Variants in CARMIL1 observed in about 807,000 individuals in gnomAD.
The protein encoded by CARMIL1 is F-actin-uncapping protein LRRC16A.
In CARMIL1, 90 loss-of-function variants were observed where a neutral mutation model predicts 177.1. That is an observed-to-expected ratio of 0.51 (90% CI 0.43 to 0.61). CARMIL1 has a LOEUF of 0.61. Among genes scored for constraint, CARMIL1 ranks in the 20% least tolerant of loss-of-function variants. The probability of loss-of-function intolerance (pLI) is 0.00; values close to 1 mark genes in which losing one functional copy is unlikely to be tolerated. For missense variants in CARMIL1, 1,380 were observed against 1,667.0 expected (o/e 0.83, Z 3.00); for synonymous variants, 577 against 606.2 (o/e 0.95, Z 0.71).
In CARMIL1 at chr6:25,284,828, T is replaced by C. The variant is rs762703218; in HGVS notation, c.57T>C (p.Val19=). 1 of 1,551,700 alleles carries C rather than the reference T, an allele frequency of 6.4e-7. No homozygotes were observed. ...TTTTTTCAGAAAGCATAAAGGATGTTATTGGCAGAAAGATAAAAATTTCAG... is the reference window on the plus strand; with the variant it reads ...TTTTTTCAGAAAGCATAAAGGATGTCATTGGCAGAAAGATAAAAATTTCAG... ...PRELIESIKD[V]IGRKIKISVK... is the part of the protein sequence containing the mutation. The change falls in exon 2 of 37, where the codon GTT becomes GTC. Residue 19 remains valine, a synonymous_variant. Transcript: ENST00000329474.
chr6:25,530,690 GA>G (rs941860037), intron 24 of CARMIL1, among the ~76,000 whole-genome samples: 4 of 151,794 alleles, frequency 2.6e-5, no homozygotes, highest in African/African-American at 7.3e-5. Flanking sequence ...TATTCCTTAT[GA>G]AAAAAAAGTT....
At chr6:25,350,544 G>A (rs1179530868) in intron 2 of CARMIL1, 4 of 152,208 alleles carry the variant, frequency 2.6e-5, no homozygotes, top group Non-Finnish European at 5.9e-5. Flanking sequence ...CTGGGTTCCT[G>A]TGGGCATTTG....
intron 36 of CARMIL1, among the ~76,000 whole-genome samples, chr6:25,618,413 A>C (rs76980324): frequency 6.6e-6 from 1 of 152,332 alleles, no homozygotes; most frequent in African/African-American, 2.4e-5. Context: ...AGGCTGGCAC[A>C]AAGTGTGTGG....
chr6:25,341,955 T>C lies in CARMIL1; in HGVS notation c.138+57046T>C, dbSNP rs149024750. Among the ~76,000 whole-genome samples, 509 of 152,256 alleles carry C rather than the reference T, an allele frequency of 3.3e-3. 1 individual carries two copies. Among genetic ancestry groups the C allele is most frequent in the South Asian group, 6.8e-3 (33 of 4,820 alleles). The stretch of plus-strand genomic sequence containing the variant: ...AGGAGGGGGCACAGGTGCACTTTGG[T>C]GCGGAAAAGTTTGGGAAGCATTGTT... On this transcript the variant is annotated intron_variant, in intron 2 of 36. Coordinates refer to ENST00000329474, the MANE Select transcript of CARMIL1 (RefSeq NM_017640.6).
At chr6:25,503,899 T>C (rs1349854376) in intron 17 of CARMIL1, among the ~76,000 whole-genome samples, 1 of 152,114 alleles carries the variant, frequency 6.6e-6, no homozygotes, top group Non-Finnish European at 1.5e-5. Flanking sequence ...TTGATCATTG[T>C]GCTTGGGGCC....
rs1488116608 is a variant in CARMIL1, at chr6:25,438,618, G to C, written c.371+3014G>C. Among the ~76,000 whole-genome samples, 7 of 152,170 alleles carry C rather than the reference G, an allele frequency of 4.6e-5. No individual in the cohort carries two copies. The East Asian group carries it at 1.3e-3, about 29-fold the overall frequency. Reference sequence around the variant, plus strand: ...ATGCTATTTCTCTTGCCTAGAAAGGGCTTGGTATCTCTGAGAAACTGAAAG... The same window carrying C: ...ATGCTATTTCTCTTGCCTAGAAAGGCCTTGGTATCTCTGAGAAACTGAAAG... On this transcript the variant is annotated intron_variant, in intron 5 of 36. Coordinates refer to ENST00000329474, the MANE Select transcript of CARMIL1 (RefSeq NM_017640.6).
At chr6:25,517,007 T>TA (rs1484074934) in intron 21 of CARMIL1, among the ~76,000 whole-genome samples, 31 of 152,186 alleles carry the variant, frequency 2.0e-4, no homozygotes, top group African/African-American at 7.0e-4. Flanking sequence ...ACCTCAGACA[T>TA]AAATATAAGA....
intron 2 of CARMIL1, among the ~76,000 whole-genome samples, chr6:25,302,601 T>C (rs1003223719): frequency 6.6e-6 from 1 of 152,194 alleles, no homozygotes; most frequent in African/African-American, 2.4e-5. Context: ...TGAGTACAAA[T>C]TTTAAGCCCG....
Position 25,279,829 on chromosome 6 carries a change from T to C in CARMIL1, c.34T>C (p.Leu12=), listed in dbSNP as rs773058324. 1.9e-6 allele frequency: 3 copies of C among 1,613,230 alleles called. No individual in the cohort carries two copies. Among genetic ancestry groups the C allele is most frequent in the African/African-American group, 1.3e-5 (1 of 74,650 alleles). Residue 12 remains leucine (L), a synonymous_variant, in exon 1 of 37, where the codon TTG becomes CTG. Transcript: ENST00000329474. The stretch of plus-strand genomic sequence containing the variant: ...GGAGAGCTCTGACGTTCCCAGGGAG[T>C]TGATAGGTAAGATTCACGCGGTTGT... ...TEESSDVPRE[L]IESIKDVIGR...
chr6:25,335,635 T>C (rs1195961482), intron 2 of CARMIL1, among the ~76,000 whole-genome samples: 1 of 152,208 alleles, frequency 6.6e-6, no homozygotes, highest in Non-Finnish European at 1.5e-5. Flanking sequence ...TGATAAATGG[T>C]ATTCAGAGGC....
chr6:25,486,576 G>A (rs760109701), intron 12 of CARMIL1, among the ~76,000 whole-genome samples: 8 of 151,908 alleles, frequency 5.3e-5, no homozygotes, highest in Non-Finnish European at 8.8e-5. Context: ...TACTAATATC[G>A]GGACAAACTA....
At chr6:25,292,299 A>C (rs1402996104) in intron 2 of CARMIL1, among the ~76,000 whole-genome samples, 1 of 152,222 alleles carries the variant, frequency 6.6e-6, no homozygotes, top group Non-Finnish European at 1.5e-5. Flanking sequence ...GTGAAGTTAC[A>C]TGGCTCTAGA....
At chr6:25,555,346 C>G (rs1810504057) in intron 28 of CARMIL1, among the ~76,000 whole-genome samples, 1 of 151,956 alleles carries the variant, frequency 6.6e-6, no homozygotes, top group African/African-American at 2.4e-5. Flanking sequence ...CCTGATTCAG[C>G]CTTTTTTTAA....
chr6:25,329,198 C>G (rs1259434818), intron 2 of CARMIL1, among the ~76,000 whole-genome samples: 1 of 152,126 alleles, frequency 6.6e-6, no homozygotes, highest in Non-Finnish European at 1.5e-5. Flanking sequence ...AGCCATAAAT[C>G]TAGATTCCAT....
At chr6:25,460,779 T>C (rs1047937274) in intron 8 of CARMIL1, among the ~76,000 whole-genome samples, 5 of 152,230 alleles carry the variant, frequency 3.3e-5, no homozygotes, top group Admixed American at 2.0e-4. Context: ...TTGGTTAGTG[T>C]ATTGTCTGTT....
intron 2 of CARMIL1, among the ~76,000 whole-genome samples, chr6:25,356,963 G>C (rs1221180511): frequency 6.6e-6 from 1 of 151,672 alleles, no homozygotes; most frequent in Non-Finnish European, 1.5e-5. Context: ...TTTACTTCCA[G>C]CTCTTACCTT....
chr6:25,369,510 T>G (rs1790198489), intron 2 of CARMIL1, among the ~76,000 whole-genome samples: 1 of 151,994 alleles, frequency 6.6e-6, no homozygotes, highest in Non-Finnish European at 1.5e-5. Context: ...TGTCTGGATC[T>G]AGCTTGTGCC....
chr6:25,455,794 C>T (rs1169506210), intron 8 of CARMIL1, among the ~76,000 whole-genome samples: 1 of 152,172 alleles, frequency 6.6e-6, no homozygotes, highest in Non-Finnish European at 1.5e-5. Context: ...GGATTTTAGT[C>T]ATGGGAGAGG....
intron 17 of CARMIL1, chr6:25,507,556 T>A (rs376290): frequency 0.44 from 66,471 of 152,348 alleles, 14,863 homozygotes; most frequent in Middle Eastern, 0.52. Context: ...CATTGGAAAG[T>A]ATGTTTTATG....
Sources: gnomAD v4.1 joint callset for allele counts (sites outside exome capture counted in the v4.1 genomes callset) on GRCh38, gnomAD v4.1.1 for gene constraint, MANE v1.5 for transcripts, NCBI Gene and HGNC (gene_info 2026-07-23, HGNC 2026-07-21) for gene names.